SNX1: variants seen among roughly 807,000 people sequenced by gnomAD.
SNX1 encodes the protein sorting nexin 1.
A neutral mutation model predicts 71.8 loss-of-function variants in SNX1; 36 were observed. The observed-to-expected ratio is 0.50, with a 90% confidence interval of 0.38 to 0.66. The LOEUF (loss-of-function observed/expected upper bound fraction) is 0.66. Ranked by LOEUF, SNX1 falls within the 30% of genes least tolerant of loss-of-function variation. The pLI is 0.00. For missense variants in SNX1, 612 were observed against 646.7 expected, an observed-to-expected ratio of 0.95 and a Z score of 0.58; for synonymous variants, 254 against 240.7, an observed-to-expected ratio of 1.06 and a Z score of -0.51.
At chr15:64,116,356 G>T (rs1006314548) in intron 2 of SNX1, among the ~76,000 whole-genome samples, 1 of 152,166 alleles carries the variant, frequency 6.6e-6, no homozygotes, top group Non-Finnish European at 1.5e-5. Flanking sequence ...AAATGGACCC[G>T]TGCAGTTGAA....
At chr15:64,100,104 T>C (rs1240683767) in intron 1 of SNX1, among the ~76,000 whole-genome samples, 1 of 152,272 alleles carries the variant, frequency 6.6e-6, no homozygotes, top group Non-Finnish European at 1.5e-5. Context: ...AATTTTGAAG[T>C]TGAGGCATGT....
chr15:64,111,661 G>T (rs1463474056), intron 1 of SNX1: 1 of 152,156 alleles, frequency 6.6e-6, no homozygotes, highest in Non-Finnish European at 1.5e-5. Context: ...TCACTTTGTT[G>T]GGTCAGAAAA....
Position 64,112,637 on chromosome 15 carries a change from A to T in SNX1, c.224A>T (p.Asn75Ile). Residue 75 changes from asparagine (N) to isoleucine (I), a missense_variant, in exon 2 of 15, where the codon AAT (asparagine) becomes ATT (isoleucine). Physicochemically the swap from Asn to Ile is moderately radical, Grantham distance 149. Coordinates refer to ENST00000559844, the MANE Select transcript of SNX1 (RefSeq NM_003099.5). The part of the protein sequence containing the change: ...LLPINNGSKE[N>I]GIHEEQDQEP... ...CCCATCAACAATGGCTCCAAAGAAA[A>T]TGGGATCCATGAAGAACAAGACCAA... 6.2e-7 allele frequency: 1 copy of T among 1,613,752 alleles called. No homozygotes were observed. The highest frequency in any genetic ancestry group is 1.7e-4 in the Middle Eastern group (1 of 6,060).
Position 64,137,887 on chromosome 15 carries a change from T to A in SNX1, c.*269T>A, listed in dbSNP as rs1596011401. 2.1e-6 allele frequency: 3 copies of A among 1,404,880 alleles called. No individual in the cohort carries two copies. Among genetic ancestry groups the A allele is most frequent in the Non-Finnish European group, 2.8e-6 (3 of 1,084,586 alleles). 87.0% of individuals were successfully genotyped at this position (1,404,880 alleles called of 1,614,324 possible). A position where few individuals can be genotyped will look rare whatever the true frequency, so the allele number is the denominator to read the frequency against. On this transcript the variant is annotated 3_prime_UTR_variant, in exon 15 of 15. Coordinates refer to ENST00000559844, the MANE Select transcript of SNX1 (RefSeq NM_003099.5). ...TATGGGATGGGGTGGAGTATTGATA[T>A]AAATATATAAATACAAATGTATATT...
rs1215454016 is a variant in SNX1, at chr15:64,136,340, G to A, written c.1376G>A (p.Arg459Gln). The A allele has an allele frequency of 6.8e-6, 11 of 1,613,064 alleles. No homozygotes were observed. The highest frequency in any genetic ancestry group is 2.2e-5 in the South Asian group (2 of 91,054). ...CCTCTTTCTTCCCAGTGGGAGTCTC[G>A]GGTGACTCAATATGAAAGGGACTTC... ...AKDEILEWES[R>Q]VTQYERDFER... The change falls in exon 13 of 15, where the codon CGG (arginine) becomes CAG (glutamine). Residue 459 changes from arginine (R) to glutamine (Q), a missense_variant. Around this residue, in one of 2 missense-constraint regions of SNX1, gnomAD observed 296 missense variants for 361.9 expected, o/e 0.82. Transcript: ENST00000559844.
chr15:64,104,575 G>A (rs2080999109), intron 1 of SNX1, among the ~76,000 whole-genome samples: 1 of 151,032 alleles, frequency 6.6e-6, no homozygotes, highest in African/African-American at 2.4e-5. Context: ...GCCCGGCCCA[G>A]GGAGAAGACT....
In SNX1 at chr15:64,096,041, G is replaced by T; in HGVS notation, c.28G>T (p.Ala10Ser). The change falls in exon 1 of 15, where the codon GCT (alanine) becomes TCT (serine). Residue 10 changes from alanine (A) to serine (S), a missense_variant. Ala to Ser is a moderately conservative substitution (Grantham distance 99, BLOSUM62 1). Transcript: ENST00000559844. MASGGGGCSASERLPPPFPG... is the reference protein window; with the variant it reads MASGGGGCSSSERLPPPFPG... ...GGCGTCGGGTGGTGGTGGCTGTAGC[G>T]CTTCGGAGAGACTGCCTCCGCCCTT... 6.3e-7 allele frequency: 1 copy of T among 1,593,886 alleles called. No homozygotes were observed. Among genetic ancestry groups the T allele is most frequent in the South Asian group, 1.1e-5 (1 of 88,558 alleles).
At position 64,144,227 on chromosome 15, in the gene SNX1, GA is replaced by G. The variant is rs2081442581; in HGVS notation, c.*6613del. The G allele has an allele frequency of 2.6e-5, 4 of 152,194 alleles. No individual in the cohort carries two copies. The highest frequency in any genetic ancestry group is 2.6e-4 in the Admixed American group (4 of 15,286). The allele number at this position is 152,194 out of a possible 1,614,324, so 9.4% of individuals were successfully genotyped here. ...TCAAATAAAGCTATTTTCATTATGGGAAAACAATCCAGTGCATCCTTTGAGG... is the reference window on the plus strand; with the variant it reads ...TCAAATAAAGCTATTTTCATTATGGGAAACAATCCAGTGCATCCTTTGAGG... On this transcript the variant is annotated 3_prime_UTR_variant, in exon 15 of 15. Transcript: ENST00000559844. The surrounding 1 kb of genome is among the most constrained non-coding windows in gnomAD (Gnocchi z 4.3).
intron 4 of SNX1, among the ~76,000 whole-genome samples, chr15:64,119,738 AC>A (rs1240311893): frequency 5.6e-5 from 2 of 35,556 alleles, no homozygotes; most frequent in East Asian, 8.2e-3. Context: ...AAAAAAAAAA[AC>A]ACACACACAC....
At chr15:64,099,715 G>A (rs2080938369) in intron 1 of SNX1, among the ~76,000 whole-genome samples, 1 of 152,052 alleles carries the variant, frequency 6.6e-6, no homozygotes, top group South Asian at 2.1e-4. Flanking sequence ...GACACTTAAT[G>A]ACTTCATTTT....
chr15:64,128,171 T>G lies in SNX1; in HGVS notation c.807+365T>G, dbSNP rs776218581. Among the ~76,000 whole-genome samples the G allele has an allele frequency of 1.7e-4, 26 of 152,310 alleles. 1 individual carries two copies. The East Asian group carries it at 4.0e-3, about 24-fold the overall frequency. ...GTTACCACAAACCACAGAACTACCA[T>G]GTAGGAAAAGTGTTGATTGAAGTAG... On this transcript the variant is annotated intron_variant, in intron 8 of 14. Transcript: ENST00000559844.
At chr15:64,100,619 A>AG (rs1173776370) in intron 1 of SNX1, among the ~76,000 whole-genome samples, 2 of 151,438 alleles carry the variant, frequency 1.3e-5, no homozygotes, top group African/African-American at 4.8e-5. Flanking sequence ...AAAAAAAAAA[A>AG]AAAAAAAGAG....
At chr15:64,100,647 A>G (rs1345216167) in intron 1 of SNX1, among the ~76,000 whole-genome samples, 1 of 151,456 alleles carries the variant, frequency 6.6e-6, no homozygotes, top group Non-Finnish European at 1.5e-5. Flanking sequence ...AAAATTACTG[A>G]AATAAATTTG....
At chr15:64,119,912 A>G (rs930532323) in intron 4 of SNX1, among the ~76,000 whole-genome samples, 4 of 152,154 alleles carry the variant, frequency 2.6e-5, no homozygotes, top group Non-Finnish European at 4.4e-5. Context: ...ATTTATACAC[A>G]TACTTTTGAT....
intron 13 of SNX1, 34 bp downstream of exon 13, chr15:64,136,444 G>T (rs753311425): frequency 2.6e-6 from 4 of 1,553,942 alleles, no homozygotes; most frequent in Non-Finnish European, 3.6e-6. Flanking sequence ...CACTTAGCAT[G>T]CAGTGCTTGT....
At position 64,139,165 on chromosome 15, in the gene SNX1, T is replaced by C. The variant is rs1489753411; in HGVS notation, c.*1547T>C. On this transcript the variant is annotated 3_prime_UTR_variant, in exon 15 of 15. Coordinates refer to ENST00000559844, the MANE Select transcript of SNX1 (RefSeq NM_003099.5). ...TTGCTTTTACATAGTTGTAATAATA[T>C]ACACATAAAGTATTTTGTATCCTGC... The C allele has an allele frequency of 1.3e-5, 2 of 152,216 alleles. No individual in the cohort carries two copies. The highest frequency in any genetic ancestry group is 2.9e-5 in the Non-Finnish European group (2 of 68,038). The allele number at this position is 152,216 out of a possible 1,614,324, so 9.4% of individuals were successfully genotyped here.
chr15:64,129,980 C>A lies in SNX1; in HGVS notation c.872C>A (p.Ala291Asp). ...GAGLLKMFNK[A>D]TDAVSKMTIK... ...GGTCTCCTCAAGATGTTCAACAAAGCCACAGATGCCGTCAGCAAAATGACC... is the reference window on the plus strand; with the variant it reads ...GGTCTCCTCAAGATGTTCAACAAAGACACAGATGCCGTCAGCAAAATGACC... The change falls in exon 9 of 15, where the codon GCC becomes GAC. Residue 291 changes from alanine to aspartate, a missense_variant. This residue lies in a region of SNX1 where 296 missense variants were observed against 361.9 expected (regional missense o/e 0.82). Coordinates refer to ENST00000559844, the MANE Select transcript of SNX1 (RefSeq NM_003099.5). This position sits in a 1 kb window ranked among gnomAD's most constrained non-coding sequence, Gnocchi z 4.4. The A allele has an allele frequency of 6.2e-7, 1 of 1,614,122 alleles. No individual in the cohort carries two copies. The highest frequency in any genetic ancestry group is 8.5e-7 in the Non-Finnish European group (1 of 1,180,014).
At chr15:64,097,036 G>C (rs1292634296) in intron 1 of SNX1, among the ~76,000 whole-genome samples, 1 of 152,258 alleles carries the variant, frequency 6.6e-6, no homozygotes, top group African/African-American at 2.4e-5. Flanking sequence ...GCCGGAGCAA[G>C]GGGCTCAAGA....
At position 64,134,975 on chromosome 15, in the gene SNX1, G is replaced by A; in HGVS notation, c.1365+168G>A. 1 of 774,720 alleles carries A rather than the reference G, an allele frequency of 1.3e-6. No homozygotes were observed. Among genetic ancestry groups the A allele is most frequent in the East Asian group, 2.8e-5 (1 of 36,112 alleles). 48.0% of individuals were successfully genotyped at this position (774,720 alleles called of 1,614,324 possible). A position where few individuals can be genotyped will look rare whatever the true frequency, so the allele number is the denominator to read the frequency against. On this transcript the variant is annotated intron_variant, in intron 12 of 14. Transcript: ENST00000559844. This position sits in a 1 kb window ranked among gnomAD's most constrained non-coding sequence, Gnocchi z 4.1. ...TGAGAATGACTCCAGGCCTTCCTGAGGCCTAGTCCCCCTGTTCTTTTTCTA... is the reference window on the plus strand; with the variant it reads ...TGAGAATGACTCCAGGCCTTCCTGAAGCCTAGTCCCCCTGTTCTTTTTCTA...
Sources: allele counts gnomAD v4.1 joint callset (sites outside exome capture counted in the v4.1 genomes callset), GRCh38; gene constraint gnomAD v4.1.1; regional missense constraint gnomAD v4.1.1; non-coding constraint Gnocchi (gnomAD v3.1); transcripts MANE v1.5; gene names NCBI Gene and HGNC (gene_info 2026-07-23, HGNC 2026-07-21).